IFT80: variants seen among roughly 807,000 people sequenced by gnomAD.
IFT80 encodes intraflagellar transport protein 80 homolog.
Under a neutral mutation model 107.9 loss-of-function variants are expected in IFT80, and 79 were observed. The observed-to-expected ratio is 0.73, with a 90% CI of 0.61 to 0.88. The LOEUF (loss-of-function observed/expected upper bound fraction) is 0.88. IFT80 is among the 40% of genes least tolerant of loss of function. The probability of loss-of-function intolerance (pLI) is 0.00; values close to 1 mark genes in which losing one functional copy is unlikely to be tolerated. For synonymous variants in IFT80, 299 were observed against 300.9 expected (o/e 0.99, Z 0.07); for missense variants, 797 against 914.2 (o/e 0.87, Z 1.65).
At chr3:160,396,976 G>A (rs1713826091) in intron 1 of IFT80, among the ~76,000 whole-genome samples, 1 of 152,090 alleles carries the variant, frequency 6.6e-6, no homozygotes, top group African/African-American at 2.4e-5. Context: ...TTTTCTGAGT[G>A]GGCAATGGTT....
chr3:160,322,041 T>TATTA (rs1718271339), intron 8 of IFT80, among the ~76,000 whole-genome samples: 2 of 149,174 alleles, frequency 1.3e-5, no homozygotes, highest in Admixed American at 6.7e-5. Flanking sequence ...TTTATTTATT[T>TATTA]ATTATTATTA....
chr3:160,262,546 T>G (rs1415299587), intron 19 of IFT80, among the ~76,000 whole-genome samples: 1 of 152,100 alleles, frequency 6.6e-6, no homozygotes, highest in African/African-American at 2.4e-5. Flanking sequence ...TCCTGAACTC[T>G]TGGGCTTGGC....
intron 12 of IFT80, among the ~76,000 whole-genome samples, chr3:160,286,923 G>A (rs1437754639): frequency 1.3e-5 from 2 of 151,944 alleles, no homozygotes; most frequent in Non-Finnish European, 2.9e-5. Context: ...GAGACTCTTG[G>A]TGGGCCCCTA....
At chr3:160,365,398 CAACTGT>C (rs1387709094) in intron 6 of IFT80, among the ~76,000 whole-genome samples, 3 of 152,104 alleles carry the variant, frequency 2.0e-5, no homozygotes, top group African/African-American at 7.2e-5. Context: ...TACATCTACT[CAACTGT>C]GAAAACACTT....
Position 160,294,520 on chromosome 3 carries a change from C to T in IFT80, c.1315+6363G>A, listed in dbSNP as rs922231146. ...GCAGGCGTAAGCCACCATGTCCAGC[C>T]AACTTTTGGCATCGCACTAACTCTG... On this transcript the variant is annotated intron_variant, in intron 12 of 19. Transcript: ENST00000326448. Among the ~76,000 whole-genome samples the T allele has an allele frequency of 2.0e-5, 3 of 152,222 alleles. No homozygotes were observed. In the South Asian group the frequency reaches 6.2e-4, roughly 31 times the overall value.
intron 7 of IFT80, among the ~76,000 whole-genome samples, chr3:160,357,088 A>T (rs1721146103): frequency 6.6e-6 from 1 of 152,162 alleles, no homozygotes; most frequent in Admixed American, 6.5e-5. Context: ...ATCAAACTCT[A>T]TAGATCAATG....
chr3:160,357,519 A>C lies in IFT80; in HGVS notation c.609T>G (p.Ile203Met). 1 of 1,591,742 alleles carries C rather than the reference A, an allele frequency of 6.3e-7. No individual in the cohort carries two copies. The highest frequency in any genetic ancestry group is 8.6e-7 in the Non-Finnish European group (1 of 1,160,084). The change falls in exon 7 of 20, where the codon ATT (isoleucine) becomes ATG (methionine). Residue 203 changes from isoleucine to methionine, a missense_variant. Coordinates refer to ENST00000326448, the MANE Select transcript of IFT80 (RefSeq NM_020800.3). ...KVDWNSVNDL[I>M]LSAGEDCKYK... ...ATTTACAGTCTTCACCAGCAGATAA[A>C]ATAAGATCATTGACCGAGTTCCAAT...
intron 4 of IFT80, among the ~76,000 whole-genome samples, chr3:160,376,373 G>C (rs1346521711): frequency 6.6e-6 from 1 of 152,198 alleles, no homozygotes; most frequent in Non-Finnish European, 1.5e-5. Context: ...TGTTTGTTAA[G>C]AGAGGGATTT....
chr3:160,338,757 A>G (rs1373421850), intron 8 of IFT80, among the ~76,000 whole-genome samples: 1 of 152,182 alleles, frequency 6.6e-6, no homozygotes, highest in Admixed American at 6.5e-5. Context: ...TGATCTTTGA[A>G]AAATCTCTCA....
intron 9 of IFT80, among the ~76,000 whole-genome samples, chr3:160,319,455 A>T (rs1288017653): frequency 6.6e-6 from 1 of 152,030 alleles, no homozygotes; most frequent in Non-Finnish European, 1.5e-5. Flanking sequence ...CAAATCCAAC[A>T]TGCTCCTGTT....
intron 9 of IFT80, among the ~76,000 whole-genome samples, chr3:160,312,109 G>C (rs976685220): frequency 8.5e-5 from 13 of 152,118 alleles, no homozygotes; most frequent in Non-Finnish European, 2.9e-5. Context: ...ATTAGAACAA[G>C]AATGCTCTTA....
In IFT80 at chr3:160,268,789, C is replaced by A; in HGVS notation, c.2100-253G>T. On this transcript the variant is annotated intron_variant, in intron 18 of 19. Coordinates refer to ENST00000326448, the MANE Select transcript of IFT80 (RefSeq NM_020800.3). ...ACTATTATCTTATCTATGCTTCATA[C>A]CATTTATATATATACTATTATTACA... is the stretch of plus-strand genomic sequence containing the variant. 4 of 442,796 alleles carry A rather than the reference C, an allele frequency of 9.0e-6. No homozygotes were observed. In the South Asian group the frequency reaches 9.1e-5, roughly 10 times the overall value. 27.4% of individuals were successfully genotyped at this position (442,796 alleles called of 1,614,324 possible). A position where few individuals can be genotyped will look rare whatever the true frequency, so the allele number is the denominator to read the frequency against.
chr3:160,362,733 T>A (rs1272878122), intron 6 of IFT80, among the ~76,000 whole-genome samples: 1 of 152,162 alleles, frequency 6.6e-6, no homozygotes, highest in Non-Finnish European at 1.5e-5. Context: ...TAAAGAAACG[T>A]AATCCATCAC....
intron 8 of IFT80, 33 bp downstream of exon 8, chr3:160,355,979 AG>A (rs1341946333): frequency 6.8e-6 from 11 of 1,612,080 alleles, no homozygotes; most frequent in African/African-American, 1.3e-5. Flanking sequence ...CATTTATGAC[AG>A]CACATCTGTG....
chr3:160,378,790 A>C (rs1275416369), intron 3 of IFT80, among the ~76,000 whole-genome samples: 1 of 152,082 alleles, frequency 6.6e-6, no homozygotes, highest in African/African-American at 2.4e-5. Flanking sequence ...TGACCCCAAA[A>C]AAACAAATAA....
Position 160,332,726 on chromosome 3 carries a change from C to T in IFT80, c.778-12787G>A, listed in dbSNP as rs185191249. On this transcript the variant is annotated intron_variant, in intron 8 of 19. Transcript: ENST00000326448. ...CCTCTCTTCTTATGCTTTTAATAAA[C>T]GACGATCATTGCCTACATCTACTAA... Among the ~76,000 whole-genome samples the T allele has an allele frequency of 8.7e-4, 133 of 152,338 alleles. 1 individual carries two copies. The Middle Eastern group carries it at 0.01, about 12-fold the overall frequency.
intron 5 of IFT80, among the ~76,000 whole-genome samples, chr3:160,368,306 T>C (rs1204936225): frequency 1.4e-5 from 2 of 143,238 alleles, no homozygotes; most frequent in Admixed American, 7.4e-5. Context: ...AATTCAATTG[T>C]GAGCAAGTCC....
In IFT80 at chr3:160,287,980, T is replaced by A. The variant is rs181275825; in HGVS notation, c.1316-2112A>T. ...AAGACTAAAATGATCCCTAAGAGAA[T>A]AGGGACAGACAGAGGGAAGTGTCTA... On this transcript the variant is annotated intron_variant, in intron 12 of 19. Coordinates refer to ENST00000326448, the MANE Select transcript of IFT80 (RefSeq NM_020800.3). Among the ~76,000 whole-genome samples the A allele has an allele frequency of 7.2e-5, 11 of 152,170 alleles. No homozygotes were observed. The East Asian group carries it at 2.1e-3, about 29-fold the overall frequency.
chr3:160,326,996 T>G (rs1358470748), intron 8 of IFT80, among the ~76,000 whole-genome samples: 2 of 152,084 alleles, frequency 1.3e-5, no homozygotes, highest in African/African-American at 4.8e-5. Flanking sequence ...ACAAAATCAA[T>G]GTGCAAAAAT....
Sources: allele counts gnomAD v4.1 joint callset (sites outside exome capture counted in the v4.1 genomes callset), GRCh38; gene constraint gnomAD v4.1.1; transcripts MANE v1.5; gene names NCBI Gene and HGNC (gene_info 2026-07-23, HGNC 2026-07-21).